The following CMTM8 variants were observed in gnomAD, a reference collection of about 807,000 sequenced individuals.
The protein encoded by CMTM8 is CKLF-like MARVEL transmembrane domain-containing protein 8.
Under a neutral mutation model 18.6 loss-of-function variants are expected in CMTM8, and 12 were observed. The ratio of observed to expected loss-of-function variants is 0.65; its 90% CI spans 0.41 to 1.05. The LOEUF (loss-of-function observed/expected upper bound fraction) is 1.05. CMTM8 is among the 50% of genes least tolerant of loss of function. The pLI is 0.00. For synonymous variants in CMTM8, 87 were observed against 90.6 expected, an observed-to-expected ratio of 0.96 and a Z score of 0.23; for missense variants, 217 against 227.2, an observed-to-expected ratio of 0.95 and a Z score of 0.29.
chr3:32,317,929 C>T (rs1695961350), intron 1 of CMTM8, among the ~76,000 whole-genome samples: 1 of 151,922 alleles, frequency 6.6e-6, no homozygotes, highest in African/African-American at 2.4e-5. Context: ...GTTGTAGGCA[C>T]CTGTAATTCC....
chr3:32,307,041 T>A (rs899055368), intron 1 of CMTM8, among the ~76,000 whole-genome samples: 2 of 151,538 alleles, frequency 1.3e-5, no homozygotes, highest in East Asian at 1.9e-4. Flanking sequence ...ATCCCGTCTC[T>A]ACTAAAAATA....
chr3:32,285,528 T>TAAA (rs1702668479), intron 1 of CMTM8, among the ~76,000 whole-genome samples: 1 of 45,054 alleles, frequency 2.2e-5, no homozygotes. Flanking sequence ...AAAAAAAAAT[T>TAAA]AAATTAATAA....
chr3:32,352,977 G>GT (rs1052931367), intron 1 of CMTM8, among the ~76,000 whole-genome samples: 2 of 152,070 alleles, frequency 1.3e-5, no homozygotes, highest in South Asian at 2.1e-4. Flanking sequence ...GTAAACTAAG[G>GT]TTTTTTGTTT....
intron 1 of CMTM8, among the ~76,000 whole-genome samples, chr3:32,308,549 A>G (rs538023830): frequency 3.3e-5 from 5 of 152,250 alleles, no homozygotes; most frequent in Non-Finnish European, 5.9e-5. Context: ...TCGGGGCTCT[A>G]TCATCGTTCA....
At chr3:32,273,446 A>G (rs1407685524) in intron 1 of CMTM8, among the ~76,000 whole-genome samples, 1 of 152,222 alleles carries the variant, frequency 6.6e-6, no homozygotes, top group African/African-American at 2.4e-5. Context: ...TCAATTGCCC[A>G]CTAACTGATG....
chr3:32,311,209 G>A lies in CMTM8; in HGVS notation c.148-46164G>A, dbSNP rs576015056. Among the ~76,000 whole-genome samples the A allele has an allele frequency of 1.1e-4, 17 of 152,298 alleles. No individual in the cohort carries two copies. In the East Asian group the frequency reaches 3.3e-3, roughly 29 times the overall value. ...ATGACTTTTATATTTTTTAACGGTTGCGGAAAAAATTAAAACAAGAATACT... is the reference window on the plus strand; with the variant it reads ...ATGACTTTTATATTTTTTAACGGTTACGGAAAAAATTAAAACAAGAATACT... On this transcript the variant is annotated intron_variant, in intron 1 of 3. Coordinates refer to ENST00000307526, the MANE Select transcript of CMTM8 (RefSeq NM_178868.5).
chr3:32,347,442 C>G (rs868611008), intron 1 of CMTM8, among the ~76,000 whole-genome samples: 1 of 150,092 alleles, frequency 6.7e-6, no homozygotes, highest in Admixed American at 6.7e-5. Flanking sequence ...GGCCACCCCC[C>G]GGCACAGCAC....
chr3:32,295,149 C>T (rs1444291301), intron 1 of CMTM8, among the ~76,000 whole-genome samples: 1 of 151,718 alleles, frequency 6.6e-6, no homozygotes, highest in African/African-American at 2.4e-5. Flanking sequence ...TTGTTCCAGG[C>T]ATAGATCTCA....
intron 1 of CMTM8, among the ~76,000 whole-genome samples, chr3:32,293,615 G>A (rs531762331): frequency 2.8e-4 from 43 of 152,280 alleles, no homozygotes; most frequent in African/African-American, 1.0e-3. Context: ...GGAGGCCAAG[G>A]CAGGTGGATC....
At chr3:32,248,162 G>A (rs1702065967) in intron 1 of CMTM8, among the ~76,000 whole-genome samples, 1 of 152,040 alleles carries the variant, frequency 6.6e-6, no homozygotes, top group Middle Eastern at 3.2e-3. Context: ...TCTGAATCAG[G>A]GTGCAGCTTA....
At chr3:32,254,997 G>A (rs1702158844) in intron 1 of CMTM8, among the ~76,000 whole-genome samples, 1 of 152,134 alleles carries the variant, frequency 6.6e-6, no homozygotes, top group African/African-American at 2.4e-5. Context: ...TTCCTATAAA[G>A]GGAGTCCTAT....
chr3:32,354,980 C>G lies in CMTM8; in HGVS notation c.148-2393C>G, dbSNP rs569614269. 3.2e-4 allele frequency among the ~76,000 whole-genome samples: 48 copies of G among 152,280 alleles called. 1 individual carries two copies. In the South Asian group the frequency reaches 9.3e-3, roughly 30 times the overall value. On this transcript the variant is annotated intron_variant, in intron 1 of 3. Coordinates refer to ENST00000307526, the MANE Select transcript of CMTM8 (RefSeq NM_178868.5). ...AACACAAAAGCACATCTCCATTAAGCATCTTGTCTCTGGAATTCATATACT... is the reference window on the plus strand; with the variant it reads ...AACACAAAAGCACATCTCCATTAAGGATCTTGTCTCTGGAATTCATATACT...
At chr3:32,357,581 C>T in intron 2 of CMTM8, 35 bp downstream of exon 2, 1 of 1,603,872 alleles carries the variant, frequency 6.2e-7, no homozygotes, top group Non-Finnish European at 8.5e-7. Flanking sequence ...TTGTCCAGTG[C>T]CCACTCGGTA....
chr3:32,281,386 CA>C (rs1702608086), intron 1 of CMTM8, among the ~76,000 whole-genome samples: 1 of 151,990 alleles, frequency 6.6e-6, no homozygotes, highest in Non-Finnish European at 1.5e-5. Context: ...TGCAAGGGAG[CA>C]AAAACTGGTT....
intron 1 of CMTM8, among the ~76,000 whole-genome samples, chr3:32,297,111 C>A (rs1702894063): frequency 6.6e-6 from 1 of 152,168 alleles, no homozygotes; most frequent in African/African-American, 2.4e-5. Flanking sequence ...CCTCTGGGTT[C>A]AAAGAAAGAT....
At chr3:32,344,767 C>T (rs1450976034) in intron 1 of CMTM8, among the ~76,000 whole-genome samples, 1 of 152,126 alleles carries the variant, frequency 6.6e-6, no homozygotes, top group African/African-American at 2.4e-5. Context: ...TGGTTGCATG[C>T]ACCTGTAGTT....
At chr3:32,317,334 C>T (rs1695951804) in intron 1 of CMTM8, among the ~76,000 whole-genome samples, 1 of 152,106 alleles carries the variant, frequency 6.6e-6, no homozygotes, top group Admixed American at 6.5e-5. Context: ...ATTGTGATTA[C>T]TTTTCTAAAG....
intron 1 of CMTM8, among the ~76,000 whole-genome samples, chr3:32,276,737 T>G (rs1045249774): frequency 1.3e-5 from 2 of 152,174 alleles, no homozygotes; most frequent in Admixed American, 1.3e-4. Flanking sequence ...TGTGTCTTCC[T>G]TTATGCCACC....
At chr3:32,369,713 C>G (rs1488330408) in intron 3 of CMTM8, among the ~76,000 whole-genome samples, 171 bp from the exon 4 acceptor site, 1 of 152,148 alleles carries the variant, frequency 6.6e-6, no homozygotes, top group Non-Finnish European at 1.5e-5. Context: ...AACAGCATAA[C>G]CAGAAATCAT....
Sources: allele counts gnomAD v4.1 joint callset (sites outside exome capture counted in the v4.1 genomes callset), GRCh38; gene constraint gnomAD v4.1.1; transcripts MANE v1.5; gene names NCBI Gene and HGNC (gene_info 2026-07-23, HGNC 2026-07-21).